Variants in SSH1 observed in about 807,000 individuals in gnomAD.
SSH1 encodes the protein protein phosphatase Slingshot homolog 1.
In SSH1, 43 loss-of-function variants were observed where a neutral mutation model predicts 79.7. The ratio of observed to expected loss-of-function variants is 0.54; its 90% CI spans 0.42 to 0.70. The LOEUF is 0.70. Among genes scored for constraint, SSH1 ranks in the 30% least tolerant of loss-of-function variants. SSH1 has a pLI of 0.00. For missense variants in SSH1, 1,206 were observed against 1,358.8 expected, an observed-to-expected ratio of 0.89 and a Z score of 1.77; for synonymous variants, 599 against 538.3, an observed-to-expected ratio of 1.11 and a Z score of -1.56.
At chr12:108,851,571 G>C (rs1285880046) in intron 2 of SSH1, among the ~76,000 whole-genome samples, 1 of 152,088 alleles carries the variant, frequency 6.6e-6, no homozygotes, top group Non-Finnish European at 1.5e-5. Flanking sequence ...ATATAACAAA[G>C]GGCTGAATCT....
chr12:108,853,427 G>C (rs1296506568), intron 1 of SSH1: 3 of 882,226 alleles, frequency 3.4e-6, no homozygotes, highest in Admixed American at 6.2e-5. Flanking sequence ...CTGGGACTTG[G>C]CATGTTTTTT....
In SSH1 at chr12:108,782,504, AG is replaced by A. The variant is rs2036160104; in HGVS notation, c.*5483del. On this transcript the variant is annotated 3_prime_UTR_variant, in exon 15 of 15. Transcript: ENST00000326495. ...AGAAAGAAAACAGACTAGTTCCAGGAGGAACTATCATTTCTTCCTGTGGTCC... is the reference window on the plus strand; with the variant it reads ...AGAAAGAAAACAGACTAGTTCCAGGAGAACTATCATTTCTTCCTGTGGTCC... The A allele has an allele frequency of 6.6e-6, 1 of 152,148 alleles. No homozygotes were observed. Among genetic ancestry groups the A allele is most frequent in the Non-Finnish European group, 1.5e-5 (1 of 68,028 alleles). 9.4% of individuals were successfully genotyped at this position (152,148 alleles called of 1,614,324 possible).
At position 108,820,301 on chromosome 12, in the gene SSH1, A is replaced by G. The variant is rs183265483; in HGVS notation, c.215-1988T>C. 5.1e-4 allele frequency among the ~76,000 whole-genome samples: 78 copies of G among 152,278 alleles called. 1 individual carries two copies. The highest frequency in any genetic ancestry group is 2.7e-3 in the Admixed American group (42 of 15,292). ...ACACCCTGTGTTGACCCTGCTTCCT[A>G]TGATGAGCGATTTGGAGATAAGGGT... is the stretch of plus-strand genomic sequence containing the variant. On this transcript the variant is annotated intron_variant, in intron 3 of 14. Coordinates refer to ENST00000326495, the MANE Select transcript of SSH1 (RefSeq NM_018984.4).
chr12:108,840,396 G>C (rs912927964), intron 2 of SSH1, among the ~76,000 whole-genome samples: 3 of 152,088 alleles, frequency 2.0e-5, no homozygotes, highest in Admixed American at 1.3e-4. Flanking sequence ...CGCCAGGCAT[G>C]GTGGTACAAG....
rs756728284 is a variant in SSH1, at chr12:108,789,160, C to G, written c.1978G>C (p.Ala660Pro). Residue 660 changes from alanine (A) to proline (P), a missense_variant, in exon 15 of 15, where the codon GCT (alanine) becomes CCT (proline). Physicochemically the swap from Ala to Pro is conservative, Grantham distance 27. Transcript: ENST00000326495. The part of the protein sequence containing the change: ...ADCMYPTASG[A>P]PEASRERCED... ...CATCGCTCCCTGGAGGCCTCAGGAG[C>G]CCCGCTGGCTGTAGGGTACATGCAG... 3 of 1,612,610 alleles carry G rather than the reference C, an allele frequency of 1.9e-6. No individual in the cohort carries two copies. Among genetic ancestry groups the G allele is most frequent in the Admixed American group, 3.4e-5 (2 of 59,660 alleles).
rs200269004 is a variant in SSH1, at chr12:108,800,761, C to T, written c.1148+19G>A. 16 of 1,611,342 alleles carry T rather than the reference C, an allele frequency of 9.9e-6. No homozygotes were observed. Among genetic ancestry groups the T allele is most frequent in the Admixed American group, 3.3e-5 (2 of 59,918 alleles). Reference sequence around the variant, plus strand: ...AGCAGGTTGGTTTCATCCTCAGCCCCGCCTCTCTGTCCACTTACTTCGCTT... The same window carrying T: ...AGCAGGTTGGTTTCATCCTCAGCCCTGCCTCTCTGTCCACTTACTTCGCTT... On this transcript the variant is annotated intron_variant, in intron 12 of 14. Transcript: ENST00000326495.
chr12:108,804,301 A>G (rs542562340), intron 10 of SSH1, among the ~76,000 whole-genome samples: 1 of 152,368 alleles, frequency 6.6e-6, no homozygotes, highest in East Asian at 1.9e-4. Flanking sequence ...CTTCCAAGTC[A>G]CATAGCCGCT....
At chr12:108,816,890 C>A in intron 5 of SSH1, 148 bp downstream of exon 5, 1 of 1,202,066 alleles carries the variant, frequency 8.3e-7, no homozygotes, top group Non-Finnish European at 1.2e-6. Context: ...ATGGCACACC[C>A]TAGTGTTCCC....
rs895290577 is a variant in SSH1, at chr12:108,788,117, G to A, written c.3021C>T (p.Thr1007=). The change falls in exon 15 of 15, where the codon ACC becomes ACT. Residue 1007 remains threonine (T), a synonymous_variant. Coordinates refer to ENST00000326495, the MANE Select transcript of SSH1 (RefSeq NM_018984.4). ...GCAAGAAGGAAGATTCACTCAAAGT[G>A]GTGTCCTGGGAGTCAGCGACGGTGG... ...DPSTVADSQD[T]TLSESSFLHE... 2 of 1,614,080 alleles carry A rather than the reference G, an allele frequency of 1.2e-6. No individual in the cohort carries two copies. Among genetic ancestry groups the A allele is most frequent in the South Asian group, 1.1e-5 (1 of 91,064 alleles).
intron 10 of SSH1, among the ~76,000 whole-genome samples, chr12:108,804,075 AATTTT>A (rs1242054707): frequency 2.6e-5 from 4 of 152,118 alleles, no homozygotes; most frequent in African/African-American, 9.7e-5. Context: ...ATGTATTTTT[AATTTT>A]ATTTTATTAA....
rs1223660338 is a variant in SSH1, at chr12:108,857,009, G to A, written c.69+419C>T. ...AATCACAGTCCCCACACAATCACGA[G>A]GTCACATCTGCACACACAGTCTCTG... On this transcript the variant is annotated intron_variant, in intron 1 of 14. Transcript: ENST00000326495. The surrounding 1 kb of genome is among the most constrained non-coding windows in gnomAD (Gnocchi z 4.7). Among the ~76,000 whole-genome samples the A allele has an allele frequency of 6.6e-6, 1 of 152,140 alleles. No individual in the cohort carries two copies. The highest frequency in any genetic ancestry group is 2.4e-5 in the African/African-American group (1 of 41,434).
intron 12 of SSH1, among the ~76,000 whole-genome samples, chr12:108,800,009 T>C (rs2036919177): frequency 6.6e-6 from 1 of 151,732 alleles, no homozygotes; most frequent in Non-Finnish European, 1.5e-5. Flanking sequence ...CTCAGTGGGG[T>C]TTTTTCCCCC....
intron 14 of SSH1, among the ~76,000 whole-genome samples, chr12:108,791,117 G>C (rs1179951719): frequency 6.6e-6 from 1 of 152,166 alleles, no homozygotes; most frequent in Non-Finnish European, 1.5e-5. Context: ...TATCAGTTTT[G>C]TTTTTGTTTT....
intron 2 of SSH1, among the ~76,000 whole-genome samples, chr12:108,846,181 G>A (rs1363073409): frequency 2.0e-5 from 3 of 152,120 alleles, no homozygotes; most frequent in African/African-American, 4.8e-5. Flanking sequence ...AAACAGAAGA[G>A]ACAAAATCCT....
rs1177930742 is a variant in SSH1 at position 108,788,600 on chromosome 12, G to A, written c.2538C>T (p.Gly846=). The change falls in exon 15 of 15, where the codon GGC becomes GGT. Residue 846 remains glycine, a synonymous_variant. Coordinates refer to ENST00000326495, the MANE Select transcript of SSH1 (RefSeq NM_018984.4). ...PADPAPPSRD[G]PASRLEASIP... is the part of the protein sequence containing the mutation. Reference sequence around the variant, plus strand: ...TGCTGGCCTCCAGCCTGCTGGCAGGGCCATCCCTGGAGGGAGGTGCTGGGT... The same window carrying A: ...TGCTGGCCTCCAGCCTGCTGGCAGGACCATCCCTGGAGGGAGGTGCTGGGT... 5.0e-6 allele frequency: 8 copies of A among 1,607,076 alleles called. No homozygotes were observed. The highest frequency in any genetic ancestry group is 2.2e-5 in the South Asian group (2 of 90,814).
rs575433105 is a variant in SSH1 at position 108,818,160 on chromosome 12, T to C, written c.279+89A>G. On this transcript the variant is annotated intron_variant, in intron 4 of 14. Transcript: ENST00000326495. ...CTGTAGTGAGCTAAGATCATGCCACTGCACTCCAGCCTGGGCAACAGAGCA... is the reference window on the plus strand; with the variant it reads ...CTGTAGTGAGCTAAGATCATGCCACCGCACTCCAGCCTGGGCAACAGAGCA... 1.5e-5 allele frequency: 16 copies of C among 1,095,586 alleles called. No homozygotes were observed. In the East Asian group the frequency reaches 3.9e-4, roughly 27 times the overall value. 67.9% of individuals were successfully genotyped at this position (1,095,586 alleles called of 1,614,324 possible).
intron 13 of SSH1, among the ~76,000 whole-genome samples, chr12:108,796,647 G>C (rs1345044567): frequency 6.6e-6 from 1 of 152,026 alleles, no homozygotes; most frequent in Non-Finnish European, 1.5e-5. Context: ...GGATAATGTT[G>C]CTATAAGCAC....
At chr12:108,848,103 G>A (rs2038940776) in intron 2 of SSH1, among the ~76,000 whole-genome samples, 1 of 152,164 alleles carries the variant, frequency 6.6e-6, no homozygotes, top group Non-Finnish European at 1.5e-5. Context: ...GGTGACGCTG[G>A]AGCTCAGAAA....
intron 5 of SSH1, among the ~76,000 whole-genome samples, chr12:108,814,894 T>G (rs1034161065): frequency 6.6e-6 from 1 of 152,088 alleles, no homozygotes; most frequent in Non-Finnish European, 1.5e-5. Context: ...CGGGCCAGTC[T>G]CCTCCAGCCA....
Sources: allele counts gnomAD v4.1 joint callset (sites outside exome capture counted in the v4.1 genomes callset), GRCh38; gene constraint gnomAD v4.1.1; non-coding constraint Gnocchi (gnomAD v3.1); transcripts MANE v1.5; gene names NCBI Gene and HGNC (gene_info 2026-07-23, HGNC 2026-07-21).